B3GALT1: variants seen among roughly 807,000 people sequenced by gnomAD.
B3GALT1 encodes beta-1,3-galactosyltransferase 1, also known as UDP-Gal:betaGlcNAc beta 1,3-galactosyltransferase, polypeptide 1.
In B3GALT1, 10 loss-of-function variants were observed where a neutral mutation model predicts 23.2. That is an observed-to-expected ratio of 0.43 (90% confidence interval 0.27 to 0.73). The LOEUF is 0.73. Ranked by LOEUF, B3GALT1 falls within the 30% of genes least tolerant of loss-of-function variation. The probability of loss-of-function intolerance (pLI) is 0.21; values close to 1 mark genes in which losing one functional copy is unlikely to be tolerated. For synonymous variants in B3GALT1, 156 were observed against 141.5 expected, an observed-to-expected ratio of 1.10 and a Z score of -0.73; for missense variants, 299 against 405.4, an observed-to-expected ratio of 0.74 and a Z score of 2.25.
chr2:167,694,492 A>T (rs1390215060), intron 3 of B3GALT1, among the ~76,000 whole-genome samples: 5 of 152,170 alleles, frequency 3.3e-5, no homozygotes, highest in Non-Finnish European at 7.4e-5. Flanking sequence ...AAGAACTAAA[A>T]ATCAGAGTAG....
intron 1 of B3GALT1, among the ~76,000 whole-genome samples, chr2:167,432,540 G>A (rs1032655185): frequency 1.3e-5 from 2 of 152,136 alleles, no homozygotes; most frequent in African/African-American, 4.8e-5. Flanking sequence ...CACATGAGAA[G>A]CAAGTCCTTT....
chr2:167,763,079 G>A, intron 3 of B3GALT1, among the ~76,000 whole-genome samples: 1 of 152,064 alleles, frequency 6.6e-6, no homozygotes, highest in East Asian at 1.9e-4. Context: ...CTCCGTAAGT[G>A]ATCTCTAGGT....
chr2:167,455,066 T>C (rs1699147935), intron 1 of B3GALT1, among the ~76,000 whole-genome samples: 1 of 152,238 alleles, frequency 6.6e-6, no homozygotes, highest in Admixed American at 6.5e-5. Context: ...TTTGCAAGAA[T>C]TCCATGTACG....
chr2:167,510,430 GC>G (rs1306573405), intron 2 of B3GALT1, among the ~76,000 whole-genome samples: 1 of 129,556 alleles, frequency 7.7e-6, no homozygotes, highest in Non-Finnish European at 1.6e-5. Flanking sequence ...TTTTTTTCCA[GC>G]CTAAGTTATC....
intron 3 of B3GALT1, among the ~76,000 whole-genome samples, chr2:167,734,720 C>T (rs1400597230): frequency 2.6e-5 from 4 of 152,138 alleles, no homozygotes; most frequent in African/African-American, 4.8e-5. Context: ...CCCCAAGTAT[C>T]GTTCCTGGAC....
At chr2:167,757,565 T>TC (rs1687837703) in intron 3 of B3GALT1, among the ~76,000 whole-genome samples, 2 of 152,280 alleles carry the variant, frequency 1.3e-5, no homozygotes, top group Middle Eastern at 3.4e-3. Flanking sequence ...GGTACCTTAG[T>TC]CTCAGGCTGG....
intron 1 of B3GALT1, among the ~76,000 whole-genome samples, chr2:167,487,256 C>G (rs1488168692): frequency 6.6e-6 from 1 of 152,176 alleles, no homozygotes; most frequent in Non-Finnish European, 1.5e-5. Context: ...AGCCCAAACC[C>G]TAAATTGTCT....
chr2:167,512,534 GTATATATATATGTA>G (rs1700023253), intron 2 of B3GALT1, among the ~76,000 whole-genome samples: 2 of 100,544 alleles, frequency 2.0e-5, no homozygotes, highest in Non-Finnish European at 3.6e-5. Flanking sequence ...ATGTGTGTGT[GTATATATATATGTA>G]TATATATGTA....
intron 1 of B3GALT1, among the ~76,000 whole-genome samples, chr2:167,384,404 G>A (rs549160078): frequency 2.0e-5 from 3 of 152,132 alleles, no homozygotes; most frequent in Admixed American, 6.5e-5. Context: ...GTGCTCTCTC[G>A]GAATTCTCAA....
Position 167,525,220 on chromosome 2 carries a change from A to G in B3GALT1, c.-410+34943A>G, listed in dbSNP as rs151063166. ...GCCTGAACAACCCAGTGTATTTTCAATATTTTTATATTTGTCAGTCTTTGA... is the reference window on the plus strand; with the variant it reads ...GCCTGAACAACCCAGTGTATTTTCAGTATTTTTATATTTGTCAGTCTTTGA... On this transcript the variant is annotated intron_variant, in intron 2 of 4. Coordinates refer to ENST00000392690, the MANE Select transcript of B3GALT1 (RefSeq NM_020981.4). 2.0e-5 allele frequency among the ~76,000 whole-genome samples: 3 copies of G among 152,190 alleles called. 1 individual carries two copies. The highest frequency in any genetic ancestry group is 4.1e-4 in the South Asian group (2 of 4,822).
intron 3 of B3GALT1, among the ~76,000 whole-genome samples, chr2:167,695,593 C>T (rs1414397219): frequency 6.6e-6 from 1 of 152,132 alleles, no homozygotes; most frequent in Admixed American, 6.6e-5. Context: ...GCACCCTTAG[C>T]TTTCATTTTC....
At chr2:167,408,603 TAAA>T (rs559334937) in intron 1 of B3GALT1, among the ~76,000 whole-genome samples, 4 of 151,674 alleles carry the variant, frequency 2.6e-5, no homozygotes, top group Non-Finnish European at 1.5e-5. Flanking sequence ...GACTGCAACA[TAAA>T]AAACTGTTAG....
In B3GALT1 at chr2:167,718,342, T is replaced by C. The variant is rs186047477; in HGVS notation, c.-352+71376T>C. 2.0e-5 allele frequency among the ~76,000 whole-genome samples: 3 copies of C among 152,260 alleles called. No homozygotes were observed. The East Asian group carries it at 5.8e-4, about 29-fold the overall frequency. ...TTATGATTCATGAAACAATCAAATA[T>C]CATCTTTGTTCTGCAGGGCAAAGAC... On this transcript the variant is annotated intron_variant, in intron 3 of 4. Coordinates refer to ENST00000392690, the MANE Select transcript of B3GALT1 (RefSeq NM_020981.4).
intron 3 of B3GALT1, among the ~76,000 whole-genome samples, chr2:167,667,571 G>T (rs896284325): frequency 6.6e-6 from 1 of 152,144 alleles, no homozygotes; most frequent in Non-Finnish European, 1.5e-5. Context: ...CATTCTTCCC[G>T]TCACTTTGAG....
At chr2:167,598,589 T>A (rs1258529837) in intron 2 of B3GALT1, among the ~76,000 whole-genome samples, 1 of 152,156 alleles carries the variant, frequency 6.6e-6, no homozygotes, top group East Asian at 1.9e-4. Context: ...AAATATAGGC[T>A]CAAGTATAAT....
chr2:167,323,864 GT>G (rs1360909167), intron 1 of B3GALT1, among the ~76,000 whole-genome samples: 1 of 151,436 alleles, frequency 6.6e-6, no homozygotes, highest in East Asian at 1.9e-4. Flanking sequence ...AACTCGAGGA[GT>G]TGTACTTGTC....
At chr2:167,807,262 C>A (rs1688775094) in intron 3 of B3GALT1, among the ~76,000 whole-genome samples, 1 of 152,154 alleles carries the variant, frequency 6.6e-6, no homozygotes, top group Non-Finnish European at 1.5e-5. Context: ...TTTCAAAAAA[C>A]CAGCTCCTGG....
At chr2:167,861,964 A>G (rs1441095761) in intron 4 of B3GALT1, among the ~76,000 whole-genome samples, 2 of 152,194 alleles carry the variant, frequency 1.3e-5, no homozygotes, top group East Asian at 3.9e-4. Context: ...ATTCCTTGAG[A>G]CACCAGAGGA....
chr2:167,664,906 A>G (rs1165812937), intron 3 of B3GALT1, among the ~76,000 whole-genome samples: 1 of 150,034 alleles, frequency 6.7e-6, no homozygotes, highest in Non-Finnish European at 1.5e-5. Flanking sequence ...TGTCGTCTGC[A>G]AACAGGGACA....
Sources: allele counts gnomAD v4.1 joint callset (sites outside exome capture counted in the v4.1 genomes callset), GRCh38; gene constraint gnomAD v4.1.1; transcripts MANE v1.5; gene names NCBI Gene and HGNC (gene_info 2026-07-23, HGNC 2026-07-21).